The following PPM1F variants were observed in gnomAD, a reference collection of about 807,000 sequenced individuals.
PPM1F encodes protein phosphatase, Mg2+/Mn2+ dependent 1F.
In PPM1F, 17 loss-of-function variants were observed where a neutral mutation model predicts 35.5. The ratio of observed to expected loss-of-function variants is 0.48; its 90% CI spans 0.33 to 0.72. The LOEUF is 0.72. Ranked by LOEUF, PPM1F falls within the 30% of genes least tolerant of loss-of-function variation. PPM1F has a pLI of 0.02. For missense variants in PPM1F, 521 were observed against 613.0 expected (o/e 0.85, Z 1.59); for synonymous variants, 241 against 255.5 (o/e 0.94, Z 0.54).
intron 6 of PPM1F, among the ~76,000 whole-genome samples, chr22:21,926,681 A>G (rs1242416532): frequency 6.6e-6 from 1 of 152,054 alleles, no homozygotes; most frequent in East Asian, 1.9e-4. Context: ...GGAGTGAGGC[A>G]CCTCCCAAGT....
intron 1 of PPM1F, chr22:21,949,387 C>A (rs146450505): frequency 6.6e-6 from 1 of 152,380 alleles, no homozygotes; most frequent in Non-Finnish European, 1.5e-5. Flanking sequence ...CATTTCCTTC[C>A]TTTTCCCAAT....
chr22:21,931,136 G>C lies in PPM1F; in HGVS notation c.891+12C>G. 6.2e-7 allele frequency: 1 copy of C among 1,613,840 alleles called. No homozygotes were observed. The highest frequency in any genetic ancestry group is 8.5e-7 in the Non-Finnish European group (1 of 1,179,842). ...AGGAATATCCTGGGCCTGGGCGCAG[G>C]GATCCCCTTACCTGCCGTTCTGGTC... On this transcript the variant is annotated intron_variant, in intron 6 of 7. Coordinates refer to ENST00000263212, the MANE Select transcript of PPM1F (RefSeq NM_014634.4).
Position 21,934,082 on chromosome 22 carries a change from C to G in PPM1F, c.500G>C (p.Arg167Pro), listed in dbSNP as rs1199309249. 1 of 1,564,674 alleles carries G rather than the reference C, an allele frequency of 6.4e-7. No individual in the cohort carries two copies. Among genetic ancestry groups the G allele is most frequent in the East Asian group, 2.4e-5 (1 of 42,148 alleles). ...VSIHAIRNTRRKMEDRHVSLP... is the reference protein window; with the variant it reads ...VSIHAIRNTRPKMEDRHVSLP... ...GGACACGTGCCGGTCCTCCATCTTG[C>G]GGCGAGTGTTCCGGATGGCGTGGAT... Residue 167 changes from arginine (R) to proline (P), a missense_variant, in exon 4 of 8, where the codon CGC becomes CCC. Arg to Pro is a moderately radical substitution (Grantham distance 103, BLOSUM62 -2). Transcript: ENST00000263212.
chr22:21,946,062 C>T lies in PPM1F; in HGVS notation c.-14G>A, dbSNP rs369831568. On this transcript the variant is annotated 5_prime_UTR_variant, in exon 2 of 8. Transcript: ENST00000263212. The stretch of plus-strand genomic sequence containing the variant: ...TCCAGAGGACATGCCCAAAGCATCC[C>T]GGGGGCCTGCAGCTAGGCCAGGGCA... 192 of 1,497,578 alleles carry T rather than the reference C, an allele frequency of 1.3e-4. No individual in the cohort carries two copies. The highest frequency in any genetic ancestry group is 1.6e-4 in the Non-Finnish European group (176 of 1,121,000). The allele number at this position is 1,497,578 out of a possible 1,614,324, so 92.8% of individuals were successfully genotyped here.
chr22:21,939,616 C>T lies in PPM1F; in HGVS notation c.271G>A (p.Asp91Asn). Residue 91 changes from aspartate (D) to asparagine (N), a missense_variant, in exon 3 of 8, where the codon GAC becomes AAC. Physicochemically the swap from Asp to Asn is conservative, Grantham distance 23. This residue lies in a region of PPM1F where 311 missense variants were observed against 351.5 expected (regional missense o/e 0.88). Coordinates refer to ENST00000263212, the MANE Select transcript of PPM1F (RefSeq NM_014634.4). This position sits in a 1 kb window ranked among gnomAD's most constrained non-coding sequence, Gnocchi z 5.1. ...HEAVSQLLQT[D>N]LSEFRKLPRE... ...GGCAACTTCCTGAATTCGGAAAGGT[C>T]TGTCTGTAGCAGCTGTGAAACTGCT... 1 of 1,561,370 alleles carries T rather than the reference C, an allele frequency of 6.4e-7. No individual in the cohort carries two copies. Among genetic ancestry groups the T allele is most frequent in the Non-Finnish European group, 8.7e-7 (1 of 1,151,548 alleles).
At chr22:21,924,003 C>T (rs1569125187) in intron 7 of PPM1F, among the ~76,000 whole-genome samples, 1 of 152,006 alleles carries the variant, frequency 6.6e-6, no homozygotes, top group East Asian at 2.0e-4. Context: ...CCCTCTTTCT[C>T]TGCCCTAGCC....
In PPM1F at chr22:21,925,679, A is replaced by G. The variant is rs888395847; in HGVS notation, c.892-17T>C. The G allele has an allele frequency of 7.7e-6, 12 of 1,559,742 alleles. No individual in the cohort carries two copies. The highest frequency in any genetic ancestry group is 1.0e-5 in the Non-Finnish European group (12 of 1,144,426). On this transcript the variant is annotated splice_polypyrimidine_tract_variant and intron_variant, in intron 6 of 7. Coordinates refer to ENST00000263212, the MANE Select transcript of PPM1F (RefSeq NM_014634.4). ...CTTCTCATCCTGCAGAAACACAGCCAGAGTTGGGGGCAGGGCCGGGGGGAT... is the reference window on the plus strand; with the variant it reads ...CTTCTCATCCTGCAGAAACACAGCCGGAGTTGGGGGCAGGGCCGGGGGGAT...
Position 21,925,294 on chromosome 22 carries a change from C to T in PPM1F, c.985+275G>A, listed in dbSNP as rs1242247904. On this transcript the variant is annotated intron_variant, in intron 7 of 7. Coordinates refer to ENST00000263212, the MANE Select transcript of PPM1F (RefSeq NM_014634.4). ...AATATTGGAAGCTCTACTTCCAGCC[C>T]ATAGGGTGGTGAGCCACAGGTTTCT... The T allele has an allele frequency of 7.0e-6, 3 of 428,756 alleles. No individual in the cohort carries two copies. The Admixed American group carries it at 1.2e-4, about 17-fold the overall frequency. 26.6% of individuals were successfully genotyped at this position (428,756 alleles called of 1,614,324 possible). A position where few individuals can be genotyped will look rare whatever the true frequency, so the allele number is the denominator to read the frequency against.
In PPM1F at chr22:21,931,194, T is replaced by C. The variant is rs2070584754; in HGVS notation, c.845A>G (p.Gln282Arg). The C allele has an allele frequency of 1.2e-6, 2 of 1,614,176 alleles. No homozygotes were observed. Among genetic ancestry groups the C allele is most frequent in the Non-Finnish European group, 1.7e-6 (2 of 1,180,028 alleles). The change falls in exon 6 of 8, where the codon CAG (glutamine) becomes CGG (arginine). Residue 282 changes from glutamine to arginine, a missense_variant. Gln to Arg is a conservative substitution (Grantham distance 43, BLOSUM62 1). Around this residue, in one of 3 missense-constraint regions of PPM1F, gnomAD observed 47 missense variants for 92.0 expected, o/e 0.51. Transcript: ENST00000263212. ...LGDSQVILVQ[Q>R]GQVVKLMEPH... ...CTCCATCAGCTTCACCACCTGTCCC[T>C]GCTGTACCAAAATGACCTGGGAATC...
intron 6 of PPM1F, among the ~76,000 whole-genome samples, chr22:21,928,104 A>G (rs1459745737): frequency 6.6e-6 from 1 of 151,042 alleles, no homozygotes; most frequent in Non-Finnish European, 1.5e-5. Context: ...CCCCCTCAGC[A>G]GCTCTTCCCT....
intron 6 of PPM1F, among the ~76,000 whole-genome samples, chr22:21,926,612 G>A (rs149695339): frequency 1.2e-3 from 177 of 152,284 alleles, no homozygotes; most frequent in Admixed American, 2.4e-3. Context: ...GCCCCGATGA[G>A]AGCCTGCTGA....
intron 1 of PPM1F, 136 bp downstream of exon 1, chr22:21,952,656 T>C: frequency 6.6e-6 from 1 of 151,122 alleles, no homozygotes; most frequent in Non-Finnish European, 1.5e-5. Context: ...CGTCTCGGCC[T>C]CCTTGCCTCC....
chr22:21,943,043 G>C (rs768114055), intron 2 of PPM1F: 1 of 152,292 alleles, frequency 6.6e-6, no homozygotes, highest in African/African-American at 2.4e-5. Flanking sequence ...GTGACAGGAG[G>C]CTCCAAACAA....
intron 5 of PPM1F, among the ~76,000 whole-genome samples, chr22:21,931,973 T>C (rs562992622): frequency 1.3e-5 from 2 of 151,942 alleles, no homozygotes; most frequent in African/African-American, 2.4e-5. Flanking sequence ...CCACCATACC[T>C]GGCTAATTTT....
At chr22:21,938,177 T>G (rs1259238543) in intron 3 of PPM1F, 7 of 1,303,398 alleles carry the variant, frequency 5.4e-6, no homozygotes, top group Non-Finnish European at 7.1e-6. Context: ...ACTGGGCTGG[T>G]GCCGGCGCAG....
At chr22:21,928,521 G>A (rs1305118679) in intron 6 of PPM1F, among the ~76,000 whole-genome samples, 2 of 152,232 alleles carry the variant, frequency 1.3e-5, no homozygotes, top group Non-Finnish European at 2.9e-5. Flanking sequence ...TTTTCCAGCT[G>A]AAGGAGCAGC....
intron 1 of PPM1F, chr22:21,950,180 GCT>G (rs1310819297): frequency 6.6e-6 from 1 of 152,118 alleles, no homozygotes; most frequent in African/African-American, 2.4e-5. Flanking sequence ...CTGGGCTTTG[GCT>G]CTCTCATGGC....
In PPM1F at chr22:21,939,711, G is replaced by A; in HGVS notation, c.207-31C>T. 14 of 1,550,598 alleles carry A rather than the reference G, an allele frequency of 9.0e-6. No individual in the cohort carries two copies. The highest frequency in any genetic ancestry group is 1.2e-5 in the Non-Finnish European group (14 of 1,146,484). ...GATGAGGAGGGGGAAGTGAGGGGCAGCCCCCAGCAGGAGACCACACCTAGC... is the reference window on the plus strand; with the variant it reads ...GATGAGGAGGGGGAAGTGAGGGGCAACCCCCAGCAGGAGACCACACCTAGC... On this transcript the variant is annotated intron_variant, in intron 2 of 7. Transcript: ENST00000263212. The surrounding 1 kb of genome is among the most constrained non-coding windows in gnomAD (Gnocchi z 5.1).
chr22:21,952,642 G>T, intron 1 of PPM1F, 150 bp downstream of exon 1: 1 of 151,312 alleles, frequency 6.6e-6, no homozygotes, highest in Non-Finnish European at 1.5e-5. Flanking sequence ...ACCCATGTGA[G>T]CCTCGTCTCG....
Sources: gnomAD v4.1 joint callset for allele counts (sites outside exome capture counted in the v4.1 genomes callset) on GRCh38, gnomAD v4.1.1 for gene constraint, gnomAD v4.1.1 regional missense constraint, Gnocchi (gnomAD v3.1) non-coding constraint, MANE v1.5 for transcripts, NCBI Gene and HGNC (gene_info 2026-07-23, HGNC 2026-07-21) for gene names.